Variants in MBD5 observed in about 807,000 individuals in gnomAD.
MBD5 encodes methyl-CpG-binding domain protein 5.
MBD5 carries 13 observed loss-of-function variants against 117.3 expected under a neutral mutation model. The observed-to-expected ratio is 0.11, with a 90% CI of 0.07 to 0.18. The LOEUF is 0.18. MBD5 is among the 10% of genes least tolerant of loss of function. MBD5 has a pLI of 1.00. For missense variants in MBD5, 1,879 were observed against 2,093.8 expected (o/e 0.90, Z 2.00); for synonymous variants, 727 against 766.4 (o/e 0.95, Z 0.85).
At chr2:148,303,322 G>T (rs1342120496) in intron 3 of MBD5, among the ~76,000 whole-genome samples, 1 of 152,174 alleles carries the variant, frequency 6.6e-6, no homozygotes, top group Non-Finnish European at 1.5e-5. Flanking sequence ...CTAAACAAAG[G>T]CACAGCATTT....
chr2:148,394,464 A>G (rs1479057158), intron 4 of MBD5, among the ~76,000 whole-genome samples: 1 of 150,642 alleles, frequency 6.6e-6, no homozygotes, highest in Non-Finnish European at 1.5e-5. Flanking sequence ...TTTAGTATAT[A>G]ATTGTTCATA....
chr2:148,150,918 T>C (rs1697641379), intron 1 of MBD5, among the ~76,000 whole-genome samples: 1 of 151,964 alleles, frequency 6.6e-6, no homozygotes, highest in Admixed American at 6.6e-5. Context: ...CTTTTCCTAA[T>C]TGAATACCCT....
At chr2:148,033,594 AT>A (rs1694102704) in intron 1 of MBD5, among the ~76,000 whole-genome samples, 1 of 152,224 alleles carries the variant, frequency 6.6e-6, no homozygotes, top group South Asian at 2.1e-4. Context: ...ATTATAAAAA[AT>A]AATTGATTAA....
intron 4 of MBD5, among the ~76,000 whole-genome samples, chr2:148,418,796 G>A (rs1372528414): frequency 1.3e-5 from 2 of 151,958 alleles, no homozygotes; most frequent in East Asian, 3.9e-4. Flanking sequence ...TGACCATAGT[G>A]CCCCAAACAA....
chr2:148,197,140 G>C (rs1393417947), intron 2 of MBD5, among the ~76,000 whole-genome samples: 1 of 152,072 alleles, frequency 6.6e-6, no homozygotes, highest in Non-Finnish European at 1.5e-5. Context: ...AGCTTCAAAG[G>C]CTTAGGCATA....
At chr2:148,248,343 A>G (rs1218720386) in intron 3 of MBD5, among the ~76,000 whole-genome samples, 10 of 152,150 alleles carry the variant, frequency 6.6e-5, no homozygotes, top group Non-Finnish European at 1.5e-4. Context: ...TGGGTTTGCT[A>G]CTGAAGTTCA....
In MBD5 at chr2:148,423,467, G is replaced by A. The variant is rs568329444; in HGVS notation, c.-556-34736G>A. On this transcript the variant is annotated intron_variant, in intron 4 of 13. Transcript: ENST00000642680. ...GCCGAACTAAGCTTCATAAGTGAAG[G>A]AGAAATAAAATACTTTACAGACAAG... Among the ~76,000 whole-genome samples the A allele has an allele frequency of 1.2e-4, 18 of 152,096 alleles. No homozygotes were observed. The South Asian group carries it at 3.7e-3, about 32-fold the overall frequency.
At chr2:148,320,191 T>C (rs1186737090) in intron 3 of MBD5, among the ~76,000 whole-genome samples, 1 of 152,216 alleles carries the variant, frequency 6.6e-6, no homozygotes, top group Non-Finnish European at 1.5e-5. Context: ...TCAGGAATAT[T>C]GGTCTGTAGT....
At chr2:148,424,149 G>A in intron 4 of MBD5, among the ~76,000 whole-genome samples, 1 of 112,442 alleles carries the variant, frequency 8.9e-6, no homozygotes, top group South Asian at 3.2e-4. Context: ...CTGCACTCCA[G>A]CCTGGGCAAC....
intron 1 of MBD5, among the ~76,000 whole-genome samples, chr2:148,059,279 C>T (rs913805667): frequency 2.0e-5 from 3 of 151,608 alleles, no homozygotes; most frequent in African/African-American, 2.4e-5. Context: ...GTGTGAAAGC[C>T]GGTTCTGACA....
At chr2:148,087,073 C>T (rs1695814505) in intron 1 of MBD5, among the ~76,000 whole-genome samples, 1 of 152,126 alleles carries the variant, frequency 6.6e-6, no homozygotes, top group Admixed American at 6.6e-5. Context: ...AGCTCCCACT[C>T]GGATGAATAG....
chr2:148,491,353 A>G (rs1440386763), intron 11 of MBD5, among the ~76,000 whole-genome samples: 1 of 151,138 alleles, frequency 6.6e-6, no homozygotes. Flanking sequence ...TCACTAGGCA[A>G]GAAATATGCA....
rs1213974110 is a variant in MBD5, at chr2:148,512,228, T to C, written c.5113-642T>C. 8 of 162,328 alleles carry C rather than the reference T, an allele frequency of 4.9e-5. No individual in the cohort carries two copies. The East Asian group carries it at 1.4e-3, about 28-fold the overall frequency. The allele number at this position is 162,328 out of a possible 1,614,324, so 10.1% of individuals were successfully genotyped here. ...TCAATCTGATGAACAGCACTAAATG[T>C]TGCTAGTTCCTGCATTAGCACATAA... On this transcript the variant is annotated intron_variant, in intron 13 of 13. Transcript: ENST00000642680.
chr2:148,290,675 T>G (rs1701480228), intron 3 of MBD5, among the ~76,000 whole-genome samples: 1 of 152,192 alleles, frequency 6.6e-6, no homozygotes, highest in Admixed American at 6.5e-5. Context: ...TCATCAATAT[T>G]GTAGCGTGTA....
intron 1 of MBD5, among the ~76,000 whole-genome samples, chr2:148,114,357 C>T (rs1696573622): frequency 6.6e-6 from 1 of 152,056 alleles, no homozygotes; most frequent in South Asian, 2.1e-4. Flanking sequence ...GTAATCTCCG[C>T]TTCTCGGGAG....
chr2:148,204,396 GA>G (rs1392906189), intron 2 of MBD5, among the ~76,000 whole-genome samples: 2 of 151,934 alleles, frequency 1.3e-5, no homozygotes, highest in African/African-American at 4.8e-5. Flanking sequence ...AGACACAAAA[GA>G]AAACCAAAAG....
chr2:148,105,208 A>T (rs181122039), intron 1 of MBD5, among the ~76,000 whole-genome samples: 1 of 131,500 alleles, frequency 7.6e-6, no homozygotes, highest in East Asian at 2.4e-4. Context: ...TAGTTAGATT[A>T]TAACGTTTCT....
At chr2:148,324,219 A>C (rs1449507362) in intron 3 of MBD5, among the ~76,000 whole-genome samples, 1 of 152,174 alleles carries the variant, frequency 6.6e-6, no homozygotes, top group African/African-American at 2.4e-5. Context: ...TTTTGGTACC[A>C]GTACCATGCT....
intron 4 of MBD5, among the ~76,000 whole-genome samples, chr2:148,392,624 C>A (rs1704599289): frequency 6.6e-6 from 1 of 152,106 alleles, no homozygotes; most frequent in Non-Finnish European, 1.5e-5. Context: ...ATCTGTCTGA[C>A]AGTTATTTTA....
Sources: allele counts gnomAD v4.1 joint callset (sites outside exome capture counted in the v4.1 genomes callset), GRCh38; gene constraint gnomAD v4.1.1; transcripts MANE v1.5; gene names NCBI Gene and HGNC (gene_info 2026-07-23, HGNC 2026-07-21).